Variants in GLI2 observed in about 807,000 individuals in gnomAD.
GLI2 encodes transcription activator GLI2.
In GLI2, 22 loss-of-function variants were observed where a neutral mutation model predicts 78.9. That is an observed-to-expected ratio of 0.28 (90% CI 0.20 to 0.40). The LOEUF is 0.40. Ranked by LOEUF, GLI2 falls within the 10% of genes least tolerant of loss-of-function variation. GLI2 has a pLI of 1.00. For synonymous variants in GLI2, 974 were observed against 963.7 expected (o/e 1.01, Z -0.20); for missense variants, 2,097 against 2,213.2 (o/e 0.95, Z 1.05).
intron 1 of GLI2, among the ~76,000 whole-genome samples, 157 bp downstream of exon 1, chr2:120,736,442 G>T (rs1682355869): frequency 6.6e-6 from 1 of 152,054 alleles, no homozygotes; most frequent in African/African-American, 2.4e-5. Context: ...GGCTTCGGGG[G>T]ACTAGAGGCT....
Position 120,982,683 on chromosome 2 carries a change from G to A in GLI2, c.1468-33G>A, listed in dbSNP as rs1682769514. On this transcript the variant is annotated intron_variant, in intron 10 of 13. Coordinates refer to ENST00000361492, the MANE Select transcript of GLI2 (RefSeq NM_001374353.1). ...CCGGCCTCAAGGTTGGGCCCCCTGGGGTGCCTTGACTGACTGAACCGCCTC... is the reference window on the plus strand; with the variant it reads ...CCGGCCTCAAGGTTGGGCCCCCTGGAGTGCCTTGACTGACTGAACCGCCTC... 3 of 1,588,112 alleles carry A rather than the reference G, an allele frequency of 1.9e-6. No homozygotes were observed. In the South Asian group the frequency reaches 3.4e-5, roughly 18 times the overall value.
intron 2 of GLI2, among the ~76,000 whole-genome samples, chr2:120,889,198 G>A (rs1677562624): frequency 6.6e-6 from 1 of 152,362 alleles, no homozygotes; most frequent in African/African-American, 2.4e-5. Flanking sequence ...CTGGAAGTCT[G>A]TGGGTGATGT....
intron 2 of GLI2, among the ~76,000 whole-genome samples, chr2:120,921,787 C>T (rs1558884072): frequency 6.6e-6 from 1 of 152,156 alleles, no homozygotes; most frequent in Non-Finnish European, 1.5e-5. Context: ...AAAAAAATCC[C>T]AAGGTTCTTC....
At chr2:120,781,126 G>T (rs72835531) in intron 1 of GLI2, among the ~76,000 whole-genome samples, 8,198 of 152,328 alleles carry the variant, frequency 0.054, 306 homozygotes, top group Non-Finnish European at 0.081. Context: ...TCTGGGCCTG[G>T]TGGGAGGCTG....
chr2:120,927,249 T>C (rs1679726971), intron 2 of GLI2, 112 bp from the exon 3 acceptor site: 2 of 825,164 alleles, frequency 2.4e-6, no homozygotes, highest in African/African-American at 3.3e-5. Context: ...CGGAGCCCCT[T>C]GTCCTGGCTG....
intron 2 of GLI2, among the ~76,000 whole-genome samples, chr2:120,923,496 G>A (rs867308682): frequency 6.6e-6 from 1 of 151,224 alleles, no homozygotes; most frequent in Non-Finnish European, 1.5e-5. Context: ...GCACGTATAC[G>A]CAGTAACACA....
Position 120,970,600 on chromosome 2 carries a change from C to T in GLI2, c.1053C>T (p.Thr351=), listed in dbSNP as rs1275843272. 5 of 1,613,596 alleles carry T rather than the reference C, an allele frequency of 3.1e-6. No homozygotes were observed. The highest frequency in any genetic ancestry group is 4.2e-6 in the Non-Finnish European group (5 of 1,179,592). Residue 351 remains threonine (T), a synonymous_variant, in exon 7 of 14, where the codon ACC becomes ACT. Transcript: ENST00000361492. Reference sequence around the variant, plus strand: ...GCAGCAGCAACTGTCTGAGTGACACCAACCAGGTAGGTGGGTGCAGGGGCC... The same window carrying T: ...GCAGCAGCAACTGTCTGAGTGACACTAACCAGGTAGGTGGGTGCAGGGGCC... The part of the protein sequence containing the change: ...LSSSSNCLSD[T]NQNKQSSESA...
intron 3 of GLI2, among the ~76,000 whole-genome samples, chr2:120,945,134 G>C (rs1451826029): frequency 6.6e-6 from 1 of 152,232 alleles, no homozygotes; most frequent in African/African-American, 2.4e-5. Context: ...ACTGCCTGCA[G>C]CCTCCTGGGG....
chr2:120,898,466 TGC>T (rs1172679316), intron 2 of GLI2, among the ~76,000 whole-genome samples: 2 of 151,958 alleles, frequency 1.3e-5, no homozygotes, highest in African/African-American at 4.8e-5. Flanking sequence ...TGAATTGGGG[TGC>T]GTTTGTCTTT....
At position 120,989,009 on chromosome 2, in the gene GLI2, G is replaced by A; in HGVS notation, c.3044G>A (p.Ser1015Asn). 6.3e-7 allele frequency: 1 copy of A among 1,599,924 alleles called. No individual in the cohort carries two copies. The change falls in exon 14 of 14, where the codon AGC becomes AAC. Residue 1015 changes from serine to asparagine, a missense_variant. By Grantham distance (46) the Ser-to-Asn change is conservative (BLOSUM62 1). This residue lies in a region of GLI2 where 1,290 missense variants were observed against 1,261.7 expected (regional missense o/e 1.02). Coordinates refer to ENST00000361492, the MANE Select transcript of GLI2 (RefSeq NM_001374353.1). ...TACTCGCCCCGGCCGCCTAGCATCA[G>A]CGAGAACGTGGCGATGGAGGCCGTG... ...GAYSPRPPSI[S>N]ENVAMEAVAA...
chr2:120,765,498 C>G (rs1023130543), intron 1 of GLI2, among the ~76,000 whole-genome samples: 42 of 152,228 alleles, frequency 2.8e-4, no homozygotes, highest in South Asian at 2.1e-4. Flanking sequence ...CAGAGGGCCG[C>G]CAAGGGAGAG....
At chr2:120,969,877 A>G (rs1682050184) in intron 6 of GLI2, among the ~76,000 whole-genome samples, 2 of 152,188 alleles carry the variant, frequency 1.3e-5, no homozygotes, top group Admixed American at 6.5e-5. Context: ...CGGCCCAACC[A>G]CAGGGGTCAC....
intron 2 of GLI2, among the ~76,000 whole-genome samples, chr2:120,826,522 C>A (rs1005206400): frequency 6.6e-6 from 1 of 152,184 alleles, no homozygotes; most frequent in Non-Finnish European, 1.5e-5. Context: ...GGGTCCCCTC[C>A]GTGTGGGACC....
intron 3 of GLI2, among the ~76,000 whole-genome samples, chr2:120,932,131 C>T (rs1257917878): frequency 6.6e-6 from 1 of 152,186 alleles, no homozygotes; most frequent in Non-Finnish European, 1.5e-5. Flanking sequence ...GTGGTTGGAG[C>T]CCGGTGGAGA....
At position 120,821,189 on chromosome 2, in the gene GLI2, G is replaced by C. The variant is rs572287010; in HGVS notation, c.148+23721G>C. ...AGTGTTTCCTGGGGCCTCTGTACGG[G>C]GGAGGTTCTCTCGAGTTGCAAAGGT... On this transcript the variant is annotated intron_variant, in intron 2 of 13. Coordinates refer to ENST00000361492, the MANE Select transcript of GLI2 (RefSeq NM_001374353.1). 3.9e-5 allele frequency among the ~76,000 whole-genome samples: 6 copies of C among 152,270 alleles called. No homozygotes were observed. In the East Asian group the frequency reaches 1.2e-3, roughly 29 times the overall value.
intron 8 of GLI2, 190 bp from the exon 9 acceptor site, chr2:120,974,779 AGTGTGT>A (rs3043526): frequency 6.2e-4 from 398 of 644,978 alleles, no homozygotes; most frequent in Middle Eastern, 1.7e-3. Context: ...AAGGCTGATG[AGTGTGT>A]GTGTGTGTGT....
rs144694851 is a variant in GLI2, at chr2:120,959,421, A to C, written c.643+3991A>C. 2.9e-3 allele frequency among the ~76,000 whole-genome samples: 446 copies of C among 152,320 alleles called. 1 individual carries two copies. Among genetic ancestry groups the C allele is most frequent in the African/African-American group, 0.01 (434 of 41,566 alleles). The stretch of plus-strand genomic sequence containing the variant: ...AGATGCCTTCTTTCCCTTTGTTCCC[A>C]GTCAGTTACAATCCAAGAAAATCAG... On this transcript the variant is annotated intron_variant, in intron 5 of 13. Coordinates refer to ENST00000361492, the MANE Select transcript of GLI2 (RefSeq NM_001374353.1).
intron 1 of GLI2, among the ~76,000 whole-genome samples, chr2:120,747,506 G>GCT (rs1460107070): frequency 2.6e-5 from 4 of 152,144 alleles, no homozygotes; most frequent in African/African-American, 9.7e-5. Flanking sequence ...TCAAACAAGG[G>GCT]CTATAGCACT....
chr2:120,829,186 C>T (rs571805776), intron 2 of GLI2, among the ~76,000 whole-genome samples: 5 of 152,348 alleles, frequency 3.3e-5, no homozygotes, highest in South Asian at 4.1e-4. Context: ...CTTATACACA[C>T]ATGCACACAT....
Sources: gnomAD v4.1 joint callset for allele counts (sites outside exome capture counted in the v4.1 genomes callset) on GRCh38, gnomAD v4.1.1 for gene constraint, gnomAD v4.1.1 regional missense constraint, MANE v1.5 for transcripts, NCBI Gene and HGNC (gene_info 2026-07-23, HGNC 2026-07-21) for gene names.